COL5A1: variants seen among roughly 807,000 people sequenced by gnomAD.
COL5A1 encodes the protein collagen type V alpha 1 chain.
A neutral mutation model predicts 263.7 loss-of-function variants in COL5A1; 16 were observed. That is an observed-to-expected ratio of 0.06 (90% CI 0.04 to 0.09). The LOEUF is 0.09. Among genes scored for constraint, COL5A1 ranks in the 10% least tolerant of loss-of-function variants. COL5A1 has a pLI of 1.00. For missense variants in COL5A1, 2,036 were observed against 2,540.5 expected (o/e 0.80, Z 4.27); for synonymous variants, 1,012 against 1,004.5 (o/e 1.01, Z -0.14).
chr9:134,787,612 G>T (rs575016055), intron 31 of COL5A1, among the ~76,000 whole-genome samples: 1 of 152,328 alleles, frequency 6.6e-6, no homozygotes, highest in South Asian at 2.1e-4. Flanking sequence ...TCCATCTCTG[G>T]TCTGTGTGCA....
At chr9:134,768,317 G>C (rs1836749740) in intron 24 of COL5A1, 93 bp from the exon 25 acceptor site, 1 of 1,128,624 alleles carries the variant, frequency 8.9e-7, no homozygotes, top group African/African-American at 1.5e-5. Flanking sequence ...TGCTGTGTGG[G>C]CAGAAATGTT....
At chr9:134,717,723 G>T (rs1312510889) in intron 4 of COL5A1, among the ~76,000 whole-genome samples, 1 of 152,218 alleles carries the variant, frequency 6.6e-6, no homozygotes, top group Non-Finnish European at 1.5e-5. Context: ...AACAAGAAGG[G>T]TTTGTCTTAA....
chr9:134,816,384 G>A (rs146567477), intron 52 of COL5A1, among the ~76,000 whole-genome samples: 12 of 152,344 alleles, frequency 7.9e-5, no homozygotes, highest in East Asian at 3.9e-4. Context: ...TGCATCTGAC[G>A]CTTGGCGTTG....
At chr9:134,737,352 G>A (rs1168141607) in intron 9 of COL5A1, among the ~76,000 whole-genome samples, 1 of 152,218 alleles carries the variant, frequency 6.6e-6, no homozygotes, top group Non-Finnish European at 1.5e-5. Context: ...TGGCTGGGCG[G>A]CTGACGGGTG....
Position 134,662,773 on chromosome 9 carries a change from G to A in COL5A1, c.109+20477G>A, listed in dbSNP as rs770495266. Among the ~76,000 whole-genome samples, 4 of 152,140 alleles carry A rather than the reference G, an allele frequency of 2.6e-5. No individual in the cohort carries two copies. In the South Asian group the frequency reaches 6.2e-4, roughly 24 times the overall value. On this transcript the variant is annotated intron_variant, in intron 1 of 65. Coordinates refer to ENST00000371817, the MANE Select transcript of COL5A1 (RefSeq NM_000093.5). The stretch of plus-strand genomic sequence containing the variant: ...AGCTTGGATGGGGACGGGCTAACTC[G>A]CATGAAACCCTCTGGGCTGCAAAGC...
At chr9:134,687,280 G>A (rs1175857650) in intron 1 of COL5A1, among the ~76,000 whole-genome samples, 1 of 152,188 alleles carries the variant, frequency 6.6e-6, no homozygotes, top group Non-Finnish European at 1.5e-5. Context: ...TTTGCACCCT[G>A]CATCCTTATG....
intron 64 of COL5A1, among the ~76,000 whole-genome samples, chr9:134,830,798 G>A (rs11103541): frequency 0.079 from 12,078 of 152,284 alleles, 739 homozygotes; most frequent in East Asian, 0.36. Flanking sequence ...TCTTCTGGCC[G>A]GTGTAGTGCC....
intron 1 of COL5A1, among the ~76,000 whole-genome samples, chr9:134,687,484 A>T (rs932692878): frequency 1.3e-5 from 2 of 151,888 alleles, no homozygotes; most frequent in African/African-American, 4.8e-5. Flanking sequence ...TCATCCATCC[A>T]TCCATCCATC....
In COL5A1 at chr9:134,641,971, G is replaced by GCCA; in HGVS notation, c.-216_-214dup. The GCCA allele has an allele frequency of 2.5e-6, 1 of 406,856 alleles. No homozygotes were observed. Among genetic ancestry groups the GCCA allele is most frequent in the Non-Finnish European group, 4.2e-6 (1 of 235,346 alleles). 25.2% of individuals were successfully genotyped at this position (406,856 alleles called of 1,614,324 possible). The stretch of plus-strand genomic sequence containing the variant: ...CAGCGGGGTCCCGGCCGCCCCGCGG[G>GCCA]CCAAAGTCGAGCCCTCCCGCCCGTG... On this transcript the variant is annotated 5_prime_UTR_variant, in exon 1 of 66. Transcript: ENST00000371817.
At chr9:134,658,532 C>T (rs978072701) in intron 1 of COL5A1, among the ~76,000 whole-genome samples, 1 of 152,222 alleles carries the variant, frequency 6.6e-6, no homozygotes, top group African/African-American at 2.4e-5. Flanking sequence ...CTCCCACCTC[C>T]CCTTCCTGCA....
intron 25 of COL5A1, 82 bp from the exon 26 acceptor site, chr9:134,772,708 G>T: frequency 7.2e-7 from 1 of 1,385,156 alleles, no homozygotes; most frequent in Non-Finnish European, 1.0e-6. Flanking sequence ...CCATGATCAT[G>T]GATGCTACGC....
chr9:134,734,457 A>G (rs1835022943), intron 9 of COL5A1, among the ~76,000 whole-genome samples: 1 of 152,248 alleles, frequency 6.6e-6, no homozygotes. Context: ...TCAACCTGGA[A>G]CGTTGCCAGA....
Position 134,699,893 on chromosome 9 carries a change from C to G in COL5A1, c.278-16C>G. On this transcript the variant is annotated splice_polypyrimidine_tract_variant and intron_variant, in intron 2 of 65. Transcript: ENST00000371817. ...GGGCTCCCCGACTGCCTTCTCACCT[C>G]TGTGCTCTGTTCCAGCGTCTGCATT... 2 of 1,613,500 alleles carry G rather than the reference C, an allele frequency of 1.2e-6. No individual in the cohort carries two copies. Among genetic ancestry groups the G allele is most frequent in the South Asian group, 2.2e-5 (2 of 90,964 alleles).
chr9:134,797,200 G>A (rs1452385635), intron 36 of COL5A1, among the ~76,000 whole-genome samples: 1 of 152,248 alleles, frequency 6.6e-6, no homozygotes, highest in Non-Finnish European at 1.5e-5. Flanking sequence ...TCTGAGTTCT[G>A]TGTTAGTGCC....
In COL5A1 at chr9:134,841,196, T is replaced by C. The variant is rs563030842; in HGVS notation, c.5371-961T>C. ...TCCAGCTGCGACTGTAAATCCAGTC[T>C]GGGTCTGAGGTAGCAAAAGCCATCT... On this transcript the variant is annotated intron_variant, in intron 65 of 65. Transcript: ENST00000371817. This position sits in a 1 kb window ranked among gnomAD's most constrained non-coding sequence, Gnocchi z 4.8. Among the ~76,000 whole-genome samples the C allele has an allele frequency of 1.3e-5, 2 of 152,336 alleles. No individual in the cohort carries two copies. The highest frequency in any genetic ancestry group is 1.3e-4 in the Admixed American group (2 of 15,302).
chr9:134,799,625 A>G (rs866874119), intron 37 of COL5A1, among the ~76,000 whole-genome samples: 6 of 152,064 alleles, frequency 3.9e-5, no homozygotes, highest in Non-Finnish European at 4.4e-5. Context: ...TATATTCTCC[A>G]TGCCTGCTTT....
chr9:134,750,687 G>T (rs1835744390), intron 12 of COL5A1, 71 bp downstream of exon 12: 1 of 1,597,556 alleles, frequency 6.3e-7, no homozygotes, highest in African/African-American at 1.3e-5. Flanking sequence ...ACCCTCTGAG[G>T]CTGCGCTGTC....
Position 134,766,502 on chromosome 9 carries a change from AGTCCCTGGG to A in COL5A1, c.2133+10_2133+18del. ...GCCGGGGCCAAAAGGAAATGTGGTAAGTCCCTGGGGTCCCGTGGCCTGGCTTCAGGGGCA... is the reference window on the plus strand; with the variant it reads ...GCCGGGGCCAAAAGGAAATGTGGTAAGTCCCGTGGCCTGGCTTCAGGGGCA... On this transcript the variant is annotated splice_donor_5th_base_variant and intron_variant, in intron 22 of 65. Coordinates refer to ENST00000371817, the MANE Select transcript of COL5A1 (RefSeq NM_000093.5). 3.1e-6 allele frequency: 5 copies of A among 1,614,142 alleles called. No homozygotes were observed. The highest frequency in any genetic ancestry group is 4.2e-6 in the Non-Finnish European group (5 of 1,180,028).
chr9:134,824,179 G>A (rs1312283479), intron 61 of COL5A1, among the ~76,000 whole-genome samples: 5 of 152,218 alleles, frequency 3.3e-5, no homozygotes, highest in African/African-American at 1.2e-4. Flanking sequence ...CCTTCTGGAA[G>A]TGAATGGCTC....
Sources: allele counts gnomAD v4.1 joint callset (sites outside exome capture counted in the v4.1 genomes callset), GRCh38; gene constraint gnomAD v4.1.1; non-coding constraint Gnocchi (gnomAD v3.1); transcripts MANE v1.5; gene names NCBI Gene and HGNC (gene_info 2026-07-23, HGNC 2026-07-21).